LRRC49: variants seen among roughly 807,000 people sequenced by gnomAD.
LRRC49 encodes the protein leucine rich repeat containing 49.
LRRC49 carries 50 observed loss-of-function variants against 83.3 expected under a neutral mutation model. The observed-to-expected ratio is 0.60, with a 90% CI of 0.48 to 0.76. LRRC49 has a LOEUF of 0.76. Ranked by LOEUF, LRRC49 falls within the 30% of genes least tolerant of loss-of-function variation. The probability of loss-of-function intolerance (pLI) is 0.00; values close to 1 mark genes in which losing one functional copy is unlikely to be tolerated. For missense variants in LRRC49, 704 were observed against 809.1 expected, an observed-to-expected ratio of 0.87 and a Z score of 1.58; for synonymous variants, 286 against 283.3, an observed-to-expected ratio of 1.01 and a Z score of -0.10.
At chr15:70,865,539 G>A (rs996485694) in intron 1 of LRRC49, among the ~76,000 whole-genome samples, 3 of 152,148 alleles carry the variant, frequency 2.0e-5, no homozygotes, top group Non-Finnish European at 4.4e-5. Flanking sequence ...GTCACACATT[G>A]CATTTGATGT....
intron 1 of LRRC49, chr15:70,854,308 C>G (rs1040629839): frequency 6.0e-6 from 1 of 166,788 alleles, no homozygotes; most frequent in Admixed American, 6.5e-5. Flanking sequence ...GGCGGGGCCT[C>G]GGAGGTGGAG....
chr15:71,012,801 C>T lies in LRRC49; in HGVS notation c.1594-3C>T. 6.4e-7 allele frequency: 1 copy of T among 1,569,038 alleles called. No homozygotes were observed. The highest frequency in any genetic ancestry group is 1.7e-4 in the Middle Eastern group (1 of 5,944). ...TTTACCCCTTTCTATTGTGTCTCTT[C>T]AGGTGACACAGAATGATATGATAAT... is the stretch of plus-strand genomic sequence containing the variant. On this transcript the variant is annotated splice_region_variant and splice_polypyrimidine_tract_variant and intron_variant, in intron 13 of 15. Transcript: ENST00000260382.
At chr15:70,866,027 G>T (rs1404383956) in intron 1 of LRRC49, among the ~76,000 whole-genome samples, 1 of 152,076 alleles carries the variant, frequency 6.6e-6, no homozygotes, top group African/African-American at 2.4e-5. Context: ...TTTCCCAATA[G>T]ACAGTAAACT....
chr15:70,978,614 A>G (rs1170917220), intron 9 of LRRC49, among the ~76,000 whole-genome samples: 1 of 152,188 alleles, frequency 6.6e-6, no homozygotes, highest in African/African-American at 2.4e-5. Context: ...TTAGAACTGC[A>G]TTTATGGAGG....
chr15:70,984,101 A>C lies in LRRC49; in HGVS notation c.1013A>C (p.Lys338Thr), dbSNP rs1197481668. 2 of 1,612,360 alleles carry C rather than the reference A, an allele frequency of 1.2e-6. No homozygotes were observed. Among genetic ancestry groups the C allele is most frequent in the Non-Finnish European group, 1.7e-6 (2 of 1,179,292 alleles). ...SHKQSLLKEK[K>T]RLTINNVARQ... ...CAATTAACTTTTTCATAGGAGAAGA[A>C]AAGGTTAACAATTAACAACGTAGCT... is the stretch of plus-strand genomic sequence containing the variant. The change falls in exon 11 of 16, where the codon AAA becomes ACA. Residue 338 changes from lysine to threonine, a missense_variant. Coordinates refer to ENST00000260382, the MANE Select transcript of LRRC49 (RefSeq NM_017691.5).
chr15:70,876,579 G>C (rs1484301447), intron 2 of LRRC49, among the ~76,000 whole-genome samples: 1 of 152,148 alleles, frequency 6.6e-6, no homozygotes, highest in African/African-American at 2.4e-5. Flanking sequence ...CCTTTCTCCC[G>C]AGATTGGCTC....
intron 8 of LRRC49, among the ~76,000 whole-genome samples, chr15:70,960,587 C>T (rs1445004497): frequency 3.9e-5 from 6 of 152,064 alleles, no homozygotes; most frequent in Non-Finnish European, 8.8e-5. Context: ...AGAGTAGACA[C>T]ATGTATCAAT....
intron 4 of LRRC49, among the ~76,000 whole-genome samples, chr15:70,904,077 G>T (rs1324920301): frequency 6.6e-6 from 1 of 151,536 alleles, no homozygotes; most frequent in African/African-American, 2.4e-5. Flanking sequence ...TTGCTCTTTT[G>T]AAGATGTCAT....
At chr15:71,007,205 CT>C (rs1330614854) in intron 11 of LRRC49, among the ~76,000 whole-genome samples, 6 of 151,916 alleles carry the variant, frequency 3.9e-5, no homozygotes, top group Admixed American at 3.3e-4. Flanking sequence ...GCAGCGCTTT[CT>C]TAGTTTTATC....
intron 6 of LRRC49, among the ~76,000 whole-genome samples, chr15:70,917,609 T>C (rs1182585783): frequency 6.6e-6 from 1 of 152,164 alleles, no homozygotes; most frequent in Admixed American, 6.5e-5. Context: ...GGCTGCCCTT[T>C]CTGCTGATAG....
At chr15:71,003,297 A>T (rs1461742571) in intron 11 of LRRC49, among the ~76,000 whole-genome samples, 1 of 152,078 alleles carries the variant, frequency 6.6e-6, no homozygotes, top group Non-Finnish European at 1.5e-5. Context: ...TAAATTAACC[A>T]CTAAAAATCT....
rs183161885 is a variant in LRRC49, at chr15:70,977,628, A to G, written c.922-2473A>G. ...CCATGGCACTCCAAGCCTGGGCAAC[A>G]AGCAAGACACAAGACTGTCTTAAAA... On this transcript the variant is annotated intron_variant, in intron 9 of 15. Transcript: ENST00000260382. Among the ~76,000 whole-genome samples the G allele has an allele frequency of 4.7e-4, 71 of 152,232 alleles. 1 individual carries two copies. Among genetic ancestry groups the G allele is most frequent in the African/African-American group, 1.5e-3 (61 of 41,548 alleles).
chr15:70,959,182 T>A (rs2036506721), intron 8 of LRRC49, among the ~76,000 whole-genome samples: 1 of 152,174 alleles, frequency 6.6e-6, no homozygotes, highest in East Asian at 1.9e-4. Context: ...TTTAGAAAAG[T>A]GATTATTTCT....
chr15:70,996,789 C>T (rs2038088420), intron 11 of LRRC49, among the ~76,000 whole-genome samples: 1 of 152,262 alleles, frequency 6.6e-6, no homozygotes, highest in Non-Finnish European at 1.5e-5. Context: ...CCACTTTGTA[C>T]ATTGCAACTT....
In LRRC49 at chr15:70,936,815, A is replaced by C; in HGVS notation, c.766A>C (p.Ile256Leu). The change falls in exon 8 of 16, where the codon ATA (isoleucine) becomes CTA (leucine). Residue 256 changes from isoleucine to leucine, a missense_variant. Physicochemically the swap from Ile to Leu is conservative, Grantham distance 5 (BLOSUM62 2). Around this residue, in one of 3 missense-constraint regions of LRRC49, gnomAD observed 261 missense variants for 330.5 expected, o/e 0.79. Coordinates refer to ENST00000260382, the MANE Select transcript of LRRC49 (RefSeq NM_017691.5). Reference protein sequence around the residue: ...LQHLFLSFNNISSFDSVSCLA... With the variant: ...LQHLFLSFNNLSSFDSVSCLA... ...ACATCTCTTTCTCAGCTTTAACAAT[A>C]TATCTAGGTAAGTGGAAACTCCCAA... The C allele has an allele frequency of 6.2e-7, 1 of 1,604,862 alleles. No individual in the cohort carries two copies. The highest frequency in any genetic ancestry group is 8.5e-7 in the Non-Finnish European group (1 of 1,172,064).
chr15:71,019,099 A>G (rs1191802361), intron 14 of LRRC49, among the ~76,000 whole-genome samples: 1 of 152,150 alleles, frequency 6.6e-6, no homozygotes, highest in Non-Finnish European at 1.5e-5. Context: ...AAGTTCTCTG[A>G]ATCTTGTCCT....
intron 14 of LRRC49, among the ~76,000 whole-genome samples, chr15:71,024,030 C>A (rs1292812475): frequency 6.6e-6 from 1 of 152,100 alleles, no homozygotes; most frequent in African/African-American, 2.4e-5. Context: ...ACTGCAGTAA[C>A]CCATCCCTGC....
intron 8 of LRRC49, among the ~76,000 whole-genome samples, chr15:70,955,977 A>G (rs2036387258): frequency 1.3e-5 from 2 of 152,310 alleles, no homozygotes; most frequent in South Asian, 4.1e-4. Context: ...CTCTAGGCAA[A>G]TAGTAACTAT....
intron 14 of LRRC49, among the ~76,000 whole-genome samples, chr15:71,018,435 A>G (rs570172662): frequency 2.0e-5 from 3 of 152,232 alleles, no homozygotes; most frequent in Non-Finnish European, 4.4e-5. Context: ...AGTTAAAAAC[A>G]ATACAAAATG....
Sources: allele counts gnomAD v4.1 joint callset (sites outside exome capture counted in the v4.1 genomes callset), GRCh38; gene constraint gnomAD v4.1.1; regional missense constraint gnomAD v4.1.1; transcripts MANE v1.5; gene names NCBI Gene and HGNC (gene_info 2026-07-23, HGNC 2026-07-21).